The following PI4K2B variants were observed in gnomAD, a reference collection of about 807,000 sequenced individuals.
PI4K2B encodes the protein phosphatidylinositol 4-kinase type 2 beta.
Under a neutral mutation model 56.6 loss-of-function variants are expected in PI4K2B, and 46 were observed. That is an observed-to-expected ratio of 0.81 (90% CI 0.64 to 1.04). The LOEUF is 1.04. Among genes scored for constraint, PI4K2B ranks in the 50% least tolerant of loss-of-function variants. The pLI is 0.00. For missense variants in PI4K2B, 556 were observed against 607.7 expected, an observed-to-expected ratio of 0.91 and a Z score of 0.89; for synonymous variants, 211 against 223.8, an observed-to-expected ratio of 0.94 and a Z score of 0.51.
At chr4:25,260,955 G>A (rs145664799) in intron 6 of PI4K2B, among the ~76,000 whole-genome samples, 1,803 of 146,854 alleles carry the variant, frequency 0.012, 56 homozygotes, top group African/African-American at 0.043. Flanking sequence ...CAATCCATCC[G>A]CCTTGGCCTC....
Position 25,260,568 on chromosome 4 carries a change from T to C in PI4K2B, c.955T>C (p.Cys319Arg), listed in dbSNP as rs1716421433. The C allele has an allele frequency of 7.2e-7, 1 of 1,391,454 alleles. No homozygotes were observed. The highest frequency in any genetic ancestry group is 9.5e-7 in the Non-Finnish European group (1 of 1,051,994). The allele number at this position is 1,391,454 out of a possible 1,614,324, so 86.2% of individuals were successfully genotyped here. Residue 319 changes from cysteine (C) to arginine (R), a missense_variant, in exon 6 of 10, where the codon TGT becomes CGT. Coordinates refer to ENST00000264864, the MANE Select transcript of PI4K2B (RefSeq NM_018323.4). ...GTTAGTCAGATACGAAAAGCAGAAA[T>C]GTGAAAAGGAAATTGACCATAAGGT... ...NWLVRYEKQKCEKEIDHKESK... is the reference protein window; with the variant it reads ...NWLVRYEKQKREKEIDHKESK...
intron 7 of PI4K2B, among the ~76,000 whole-genome samples, 189 bp downstream of exon 7, chr4:25,264,038 T>A (rs1036241068): frequency 6.6e-6 from 1 of 152,236 alleles, no homozygotes; most frequent in Non-Finnish European, 1.5e-5. Context: ...TTGCTTATTC[T>A]GGGATGACTG....
At chr4:25,272,702 TA>T (rs1277790235) in intron 9 of PI4K2B, among the ~76,000 whole-genome samples, 1 of 151,910 alleles carries the variant, frequency 6.6e-6, no homozygotes, top group Non-Finnish European at 1.5e-5. Flanking sequence ...AAAAAAGATC[TA>T]AAAAATCAGG....
intron 6 of PI4K2B, among the ~76,000 whole-genome samples, chr4:25,262,617 G>A (rs1437408196): frequency 6.6e-6 from 1 of 151,936 alleles, no homozygotes; most frequent in Non-Finnish European, 1.5e-5. Context: ...TCTTTAATCA[G>A]AATACCCTTT....
At chr4:25,235,951 C>G (rs564190652) in intron 1 of PI4K2B, among the ~76,000 whole-genome samples, 1 of 151,772 alleles carries the variant, frequency 6.6e-6, no homozygotes, top group Non-Finnish European at 1.5e-5. Context: ...GCTGGAAGTT[C>G]GAGACCCACC....
Position 25,246,723 on chromosome 4 carries a change from G to T in PI4K2B, c.269-5598G>T, listed in dbSNP as rs76725428. Reference sequence around the variant, plus strand: ...GGCTGCACAGGAGCCCACGGCGGCGGGGGGAGGCTCAGGCATGGCCGGCTG... The same window carrying T: ...GGCTGCACAGGAGCCCACGGCGGCGTGGGGAGGCTCAGGCATGGCCGGCTG... On this transcript the variant is annotated intron_variant, in intron 1 of 9. Coordinates refer to ENST00000264864, the MANE Select transcript of PI4K2B (RefSeq NM_018323.4). Among the ~76,000 whole-genome samples the T allele has an allele frequency of 2.9e-3, 447 of 152,350 alleles. 8 individuals carry two copies. The East Asian group carries it at 0.063, about 21-fold the overall frequency.
In PI4K2B at chr4:25,277,230, GT is replaced by G. The variant is rs1367049032; in HGVS notation, c.*48del. 2.6e-6 allele frequency: 4 copies of G among 1,536,252 alleles called. No individual in the cohort carries two copies. Among genetic ancestry groups the G allele is most frequent in the Non-Finnish European group, 3.5e-6 (4 of 1,130,260 alleles). On this transcript the variant is annotated 3_prime_UTR_variant, in exon 10 of 10. Coordinates refer to ENST00000264864, the MANE Select transcript of PI4K2B (RefSeq NM_018323.4). ...GAAACAAACTGTTTAGAATTATCAT[GT>G]TTTTAAAACATCATAGTAATATAAA...
At chr4:25,247,034 G>T (rs1715816665) in intron 1 of PI4K2B, among the ~76,000 whole-genome samples, 1 of 152,244 alleles carries the variant, frequency 6.6e-6, no homozygotes. Flanking sequence ...AGCTGGCTTT[G>T]GCCTTCGCCA....
At chr4:25,269,742 C>T (rs1445268289) in intron 9 of PI4K2B, among the ~76,000 whole-genome samples, 1 of 151,156 alleles carries the variant, frequency 6.6e-6, no homozygotes, top group Non-Finnish European at 1.5e-5. Flanking sequence ...GAGACAGAGT[C>T]TCGCTCTGTA....
intron 6 of PI4K2B, among the ~76,000 whole-genome samples, chr4:25,260,868 GA>G (rs1186517491): frequency 3.1e-4 from 27 of 87,268 alleles, no homozygotes; most frequent in South Asian, 4.4e-4. Context: ...CTTGATTCTT[GA>G]TTTTTTTTTT....
chr4:25,244,770 G>A (rs1016680952), intron 1 of PI4K2B, among the ~76,000 whole-genome samples: 38 of 151,912 alleles, frequency 2.5e-4, no homozygotes, highest in African/African-American at 6.3e-4. Context: ...GAATAGTTGC[G>A]CTCACTGACG....
chr4:25,236,559 A>C (rs1359716012), intron 1 of PI4K2B, among the ~76,000 whole-genome samples: 1 of 152,210 alleles, frequency 6.6e-6, no homozygotes, highest in African/African-American at 2.4e-5. Context: ...TCTCAAAAAA[A>C]AAATTAATTA....
chr4:25,234,906 ATGT>A (rs770576360), intron 1 of PI4K2B, among the ~76,000 whole-genome samples: 14 of 152,320 alleles, frequency 9.2e-5, no homozygotes, highest in Non-Finnish European at 1.6e-4. Flanking sequence ...TTTCTATTAA[ATGT>A]TGTTATTATG....
At chr4:25,254,333 G>A in intron 2 of PI4K2B, 5 of 688,594 alleles carry the variant, frequency 7.3e-6, no homozygotes, top group Non-Finnish European at 8.9e-6. Context: ...CATGTAATGT[G>A]GATATTTAAT....
intron 9 of PI4K2B, among the ~76,000 whole-genome samples, chr4:25,270,430 C>CT (rs1716842556): frequency 6.6e-6 from 1 of 152,090 alleles, no homozygotes; most frequent in South Asian, 2.1e-4. Context: ...ACTTCAACCT[C>CT]TGTCTCCCAG....
Position 25,234,403 on chromosome 4 carries a change from G to A in PI4K2B, c.240G>A (p.Glu80=), listed in dbSNP as rs938485943. The A allele has an allele frequency of 1.4e-6, 2 of 1,388,836 alleles. No individual in the cohort carries two copies. Among genetic ancestry groups the A allele is most frequent in the Non-Finnish European group, 1.9e-6 (2 of 1,070,278 alleles). 86.0% of individuals were successfully genotyped at this position (1,388,836 alleles called of 1,614,324 possible). ...GGGTCTCCCGGAGTTCGTCCGCCGA[G>A]CTGGACCGGAGCCGCCCCGCGGTTT... is the stretch of plus-strand genomic sequence containing the variant. ...DVGVSRSSSA[E]LDRSRPAVSV... The change falls in exon 1 of 10, where the codon GAG becomes GAA. Residue 80 remains glutamate, a synonymous_variant. Transcript: ENST00000264864.
intron 1 of PI4K2B, among the ~76,000 whole-genome samples, chr4:25,238,266 T>C (rs1445636354): frequency 3.3e-5 from 5 of 152,192 alleles, no homozygotes; most frequent in African/African-American, 1.2e-4. Context: ...AATAAACTGG[T>C]TATTTGAACC....
At chr4:25,244,085 G>A (rs957675490) in intron 1 of PI4K2B, among the ~76,000 whole-genome samples, 26 of 152,284 alleles carry the variant, frequency 1.7e-4, no homozygotes, top group African/African-American at 6.0e-4. Context: ...AGACCCTTTA[G>A]GACATCTATG....
At chr4:25,240,648 T>C (rs1715477173) in intron 1 of PI4K2B, among the ~76,000 whole-genome samples, 1 of 152,192 alleles carries the variant, frequency 6.6e-6, no homozygotes, top group East Asian at 1.9e-4. Context: ...ATGTTCCACA[T>C]AACAAGAATA....
Sources: allele counts gnomAD v4.1 joint callset (sites outside exome capture counted in the v4.1 genomes callset), GRCh38; gene constraint gnomAD v4.1.1; transcripts MANE v1.5; gene names NCBI Gene and HGNC (gene_info 2026-07-23, HGNC 2026-07-21).